Variants in DAB1 observed in about 807,000 individuals in gnomAD.
The protein encoded by DAB1 is DAB adaptor protein 1, also known as disabled homolog 1.
A neutral mutation model predicts 64.6 loss-of-function variants in DAB1; 15 were observed. That is an observed-to-expected ratio of 0.23 (90% confidence interval 0.16 to 0.36). The LOEUF (loss-of-function observed/expected upper bound fraction) is 0.36, where lower values mean the gene tolerates loss of function less well. Among genes scored for constraint, DAB1 ranks in the 10% least tolerant of loss-of-function variants. The pLI, the probability that DAB1 is intolerant of heterozygous loss-of-function variation, is 1.00. For missense variants in DAB1, 596 were observed against 706.7 expected (o/e 0.84, Z 1.78); for synonymous variants, 235 against 251.9 (o/e 0.93, Z 0.64).
At chr1:58,030,482 G>C (rs948819495) in intron 5 of DAB1, among the ~76,000 whole-genome samples, 8 of 152,184 alleles carry the variant, frequency 5.3e-5, no homozygotes, top group African/African-American at 1.9e-4. Context: ...TTGATGAACA[G>C]AGCCACAGAT....
chr1:57,325,348 G>T (rs1016797959), intron 1 of DAB1, among the ~76,000 whole-genome samples: 2 of 152,162 alleles, frequency 1.3e-5, no homozygotes, highest in Non-Finnish European at 2.9e-5. Flanking sequence ...ACACAATGGG[G>T]CAGAGGACGA....
chr1:58,015,565 C>T (rs1366914255), intron 5 of DAB1, among the ~76,000 whole-genome samples: 2 of 152,144 alleles, frequency 1.3e-5, no homozygotes, highest in Non-Finnish European at 2.9e-5. Context: ...GCATCCATGG[C>T]TTCTGTTGTT....
At chr1:57,499,487 T>C (rs926004321) in intron 7 of DAB1, among the ~76,000 whole-genome samples, 8 of 152,168 alleles carry the variant, frequency 5.3e-5, no homozygotes, top group African/African-American at 1.9e-4. Context: ...GGGTGGAATG[T>C]GGATACTTTT....
chr1:57,384,027 A>G (rs1020674725), intron 1 of DAB1, among the ~76,000 whole-genome samples: 1 of 152,218 alleles, frequency 6.6e-6, no homozygotes, highest in African/African-American at 2.4e-5. Flanking sequence ...AGAATATATA[A>G]AGTATTCTTA....
intron 3 of DAB1, among the ~76,000 whole-genome samples, chr1:58,396,936 G>A (rs1485777486): frequency 6.6e-6 from 1 of 152,070 alleles, no homozygotes; most frequent in Admixed American, 6.5e-5. Flanking sequence ...GTAGTGGTGG[G>A]CTCCTGTAGT....
At chr1:57,364,746 A>AG (rs1679830595) in intron 1 of DAB1, among the ~76,000 whole-genome samples, 1 of 151,808 alleles carries the variant, frequency 6.6e-6, no homozygotes, top group South Asian at 2.1e-4. Context: ...TGAAAATACA[A>AG]TGATAATCAA....
At chr1:57,333,427 G>A (rs1676839960) in intron 1 of DAB1, among the ~76,000 whole-genome samples, 1 of 152,232 alleles carries the variant, frequency 6.6e-6, no homozygotes, top group South Asian at 2.1e-4. Flanking sequence ...AATAGGACAT[G>A]TGATAACATA....
intron 8 of DAB1, among the ~76,000 whole-genome samples, chr1:57,064,806 C>T (rs1650742902): frequency 6.6e-6 from 1 of 152,196 alleles, no homozygotes; most frequent in African/African-American, 2.4e-5. Flanking sequence ...ACTTCCAGAG[C>T]TGATCTTGCA....
intron 5 of DAB1, among the ~76,000 whole-genome samples, chr1:57,890,476 G>A (rs1354555947): frequency 1.7e-5 from 1 of 58,788 alleles, no homozygotes; most frequent in African/African-American, 7.8e-5. Flanking sequence ...TTTTTCTTTT[G>A]GCTGGGTCTG....
At chr1:57,357,197 C>A (rs1399337321) in intron 1 of DAB1, among the ~76,000 whole-genome samples, 1 of 152,074 alleles carries the variant, frequency 6.6e-6, no homozygotes, top group Non-Finnish European at 1.5e-5. Flanking sequence ...CTCGTTTGAT[C>A]ACTGAAAATG....
At chr1:57,514,453 T>C (rs577107318) in intron 7 of DAB1, among the ~76,000 whole-genome samples, 9 of 152,350 alleles carry the variant, frequency 5.9e-5, no homozygotes, top group Middle Eastern at 3.4e-3. Context: ...GCTTTTGATA[T>C]TGTTTTTGTT....
At chr1:57,648,560 C>G (rs954944002) in intron 7 of DAB1, among the ~76,000 whole-genome samples, 2 of 152,152 alleles carry the variant, frequency 1.3e-5, no homozygotes, top group African/African-American at 4.8e-5. Context: ...CCAAAAGCTT[C>G]TCATATTTTT....
intron 4 of DAB1, among the ~76,000 whole-genome samples, chr1:58,279,766 G>A (rs984406755): frequency 6.6e-6 from 1 of 152,154 alleles, no homozygotes; most frequent in Non-Finnish European, 1.5e-5. Flanking sequence ...TCTGCCCAAA[G>A]GTAGATATTG....
intron 4 of DAB1, among the ~76,000 whole-genome samples, chr1:58,194,794 G>T (rs1657582138): frequency 6.6e-6 from 1 of 152,136 alleles, no homozygotes; most frequent in African/African-American, 2.4e-5. Flanking sequence ...TGGTGTTGTT[G>T]CAGACAGAGC....
chr1:57,066,021 A>T (rs184709176), intron 8 of DAB1, among the ~76,000 whole-genome samples: 117 of 152,346 alleles, frequency 7.7e-4, no homozygotes, highest in African/African-American at 2.6e-3. Context: ...TACATACAGA[A>T]GACACTTTTA....
At chr1:57,366,135 C>T (rs1679976715) in intron 1 of DAB1, among the ~76,000 whole-genome samples, 1 of 152,154 alleles carries the variant, frequency 6.6e-6, no homozygotes, top group Admixed American at 6.5e-5. Flanking sequence ...TATGTTCATG[C>T]CTTCCTCCTT....
chr1:57,025,701 G>A (rs988049647), intron 10 of DAB1, among the ~76,000 whole-genome samples: 1 of 152,204 alleles, frequency 6.6e-6, no homozygotes, highest in African/African-American at 2.4e-5. Flanking sequence ...TCAGACCACA[G>A]CAGAACAGCA....
intron 5 of DAB1, among the ~76,000 whole-genome samples, chr1:57,968,418 A>G (rs1214504603): frequency 6.6e-6 from 1 of 152,158 alleles, no homozygotes; most frequent in African/African-American, 2.4e-5. Flanking sequence ...CATTTACTAA[A>G]AAACATTCTG....
At chr1:57,665,716 A>AAAAAGCAT (rs1646438217) in intron 6 of DAB1, among the ~76,000 whole-genome samples, 1 of 152,142 alleles carries the variant, frequency 6.6e-6, no homozygotes, top group Admixed American at 6.6e-5. Flanking sequence ...ATTTTAAGTG[A>AAAAAGCAT]AAAAGCATGA....
Sources: allele counts gnomAD v4.1 joint callset (sites outside exome capture counted in the v4.1 genomes callset), GRCh38; gene constraint gnomAD v4.1.1; transcripts MANE v1.5; gene names NCBI Gene and HGNC (gene_info 2026-07-23, HGNC 2026-07-21).